The following TAF4B variants were observed in gnomAD, a reference collection of about 807,000 sequenced individuals.
TAF4B encodes the protein transcription initiation factor TFIID subunit 4B.
A neutral mutation model predicts 86.4 loss-of-function variants in TAF4B; 38 were observed. The observed-to-expected ratio is 0.44, with a 90% CI of 0.34 to 0.58. TAF4B has a LOEUF of 0.58. Among genes scored for constraint, TAF4B ranks in the 20% least tolerant of loss-of-function variants. The probability of loss-of-function intolerance (pLI) is 0.02; values close to 1 mark genes in which losing one functional copy is unlikely to be tolerated. For synonymous variants in TAF4B, 388 were observed against 391.2 expected, an observed-to-expected ratio of 0.99 and a Z score of 0.10; for missense variants, 988 against 1,027.6, an observed-to-expected ratio of 0.96 and a Z score of 0.53.
rs1284056431 is a variant in TAF4B, at chr18:26,226,783, C to T, written c.-151C>T. On this transcript the variant is annotated 5_prime_UTR_variant, in exon 1 of 15. Transcript: ENST00000269142. ...CGTGTCCTGCCGTGCAGCGGGCGCC[C>T]GTCACTGACTTCGCTGCTGCGGCCC... 9 of 556,900 alleles carry T rather than the reference C, an allele frequency of 1.6e-5. No individual in the cohort carries two copies. The highest frequency in any genetic ancestry group is 4.6e-5 in the South Asian group (1 of 21,840). 34.5% of individuals were successfully genotyped at this position (556,900 alleles called of 1,614,324 possible). A position where few individuals can be genotyped will look rare whatever the true frequency, so the allele number is the denominator to read the frequency against.
chr18:26,261,817 G>A (rs1598736274), intron 1 of TAF4B, among the ~76,000 whole-genome samples: 1 of 152,198 alleles, frequency 6.6e-6, no homozygotes, highest in Non-Finnish European at 1.5e-5. Flanking sequence ...GAAGCTACCA[G>A]CCTCGTCTTA....
intron 13 of TAF4B, among the ~76,000 whole-genome samples, chr18:26,347,211 C>T (rs1011662838): frequency 2.0e-5 from 3 of 151,766 alleles, no homozygotes; most frequent in South Asian, 2.1e-4. Context: ...TGAGCCACTG[C>T]GCCCGGCCCA....
At chr18:26,278,874 A>T (rs1244518333) in intron 5 of TAF4B, among the ~76,000 whole-genome samples, 1 of 152,104 alleles carries the variant, frequency 6.6e-6, no homozygotes, top group Non-Finnish European at 1.5e-5. Flanking sequence ...AACTGCTGTT[A>T]TGGATTTACA....
chr18:26,293,526 C>G lies in TAF4B; in HGVS notation c.1827C>G (p.Cys609Trp), dbSNP rs748591774. The change falls in exon 9 of 15, where the codon TGC becomes TGG. Residue 609 changes from cysteine (C) to tryptophan (W), a missense_variant. By Grantham distance (215) the Cys-to-Trp change is radical (BLOSUM62 -2). Transcript: ENST00000269142. ...KNRIKENVTS[C>W]FRDEDDINDV... ...GAATAAAAGAGAATGTAACATCATGCTTCCGGTAAGAAAATAAATAGTTAA... is the reference window on the plus strand; with the variant it reads ...GAATAAAAGAGAATGTAACATCATGGTTCCGGTAAGAAAATAAATAGTTAA... 2 of 1,548,898 alleles carry G rather than the reference C, an allele frequency of 1.3e-6. No homozygotes were observed. The highest frequency in any genetic ancestry group is 1.7e-6 in the Non-Finnish European group (2 of 1,154,734).
rs147537464 is a variant in TAF4B, at chr18:26,361,819, A to G, written c.2421+4025A>G. Reference sequence around the variant, plus strand: ...TTATCTTTCTGCTAGAAACAACTCTACTGAGTTGTTCTAGTACAGGACAAC... The same window carrying G: ...TTATCTTTCTGCTAGAAACAACTCTGCTGAGTTGTTCTAGTACAGGACAAC... On this transcript the variant is annotated intron_variant, in intron 14 of 14. Transcript: ENST00000269142. 2.2e-3 allele frequency among the ~76,000 whole-genome samples: 332 copies of G among 151,576 alleles called. 5 individuals are homozygous for G. The highest frequency in any genetic ancestry group is 4.4e-4 in the Non-Finnish European group (30 of 67,914).
chr18:26,265,685 G>A (rs1165202028), intron 2 of TAF4B, among the ~76,000 whole-genome samples: 1 of 151,838 alleles, frequency 6.6e-6, no homozygotes, highest in African/African-American at 2.4e-5. Context: ...CCTCAGGCTC[G>A]CATATAGCTG....
chr18:26,315,255 C>T lies in TAF4B; in HGVS notation c.1859C>T (p.Thr620Ile). The T allele has an allele frequency of 1.2e-6, 2 of 1,607,468 alleles. No homozygotes were observed. Among genetic ancestry groups the T allele is most frequent in the Non-Finnish European group, 1.7e-6 (2 of 1,177,970 alleles). ...FRDEDDINDV[T>I]SMAGVNLNEE... ...GATGAGGATGACATCAATGATGTGA[C>T]TTCTATGGCAGGGGTCAACCTTAAT... Residue 620 changes from threonine (T) to isoleucine (I), a missense_variant, in exon 10 of 15, where the codon ACT becomes ATT. Around this residue, in one of 3 missense-constraint regions of TAF4B, gnomAD observed 25 missense variants for 51.3 expected, o/e 0.49. Transcript: ENST00000269142.
intron 7 of TAF4B, 162 bp from the exon 8 acceptor site, chr18:26,292,084 A>G: frequency 1.6e-6 from 1 of 643,628 alleles, no homozygotes; most frequent in Non-Finnish European, 2.4e-6. Flanking sequence ...TTCACTTTTG[A>G]ACAAGATAAT....
intron 14 of TAF4B, among the ~76,000 whole-genome samples, chr18:26,380,135 CT>C (rs2057468446): frequency 6.6e-6 from 1 of 152,050 alleles, no homozygotes; most frequent in Non-Finnish European, 1.5e-5. Context: ...AATCTTTATG[CT>C]TTTTATTTTC....
intron 13 of TAF4B, among the ~76,000 whole-genome samples, chr18:26,344,946 A>G (rs1231155730): frequency 6.6e-6 from 1 of 152,188 alleles, no homozygotes; most frequent in Non-Finnish European, 1.5e-5. Context: ...TTCCCATTGC[A>G]GGGAAAAGGC....
intron 13 of TAF4B, chr18:26,348,420 C>T (rs1235337769): frequency 1.3e-5 from 2 of 152,848 alleles, no homozygotes; most frequent in Non-Finnish European, 2.9e-5. Context: ...TATCTCATAT[C>T]TTTGAAAGGC....
Position 26,286,076 on chromosome 18 carries a change from A to G in TAF4B, c.1167A>G (p.Arg389=). Residue 389 remains arginine, a synonymous_variant, in exon 7 of 15, where the codon AGA becomes AGG. Transcript: ENST00000269142. ...SIIVSGATAP[R]TVSVQTLNPL... is the part of the protein sequence containing the mutation. ...TTGTTTCTGGAGCAACAGCACCCAG[A>G]ACTGTGTCAGTGCAAACTTTGAACC... The G allele has an allele frequency of 6.2e-7, 1 of 1,614,212 alleles. No individual in the cohort carries two copies. Among genetic ancestry groups the G allele is most frequent in the Non-Finnish European group, 8.5e-7 (1 of 1,180,030 alleles).
In TAF4B at chr18:26,275,015, AT is replaced by A; in HGVS notation, c.845del (p.Met282ArgfsTer5). On this transcript the variant is annotated frameshift_variant, in exon 5 of 15. Transcript: ENST00000269142. LOFTEE classifies it high-confidence loss of function. The part of the protein sequence containing the change: ...LACSGSQSPE[M>X]GQNVKKLVEQ... The stretch of plus-strand genomic sequence containing the variant: ...ATGTAGTGGATCACAGTCCCCAGAA[AT>A]GGGGCAAAATGTGAAGAAGCTGGTG... The A allele has an allele frequency of 6.2e-7, 1 of 1,611,510 alleles. No homozygotes were observed.
chr18:26,348,207 A>G (rs981786366), intron 13 of TAF4B: 6 of 152,222 alleles, frequency 3.9e-5, no homozygotes, highest in African/African-American at 7.2e-5. Context: ...TATCAAAATC[A>G]TATCCTAAGT....
chr18:26,376,354 A>T (rs1317162455), intron 14 of TAF4B, among the ~76,000 whole-genome samples: 1 of 152,066 alleles, frequency 6.6e-6, no homozygotes. Context: ...AGTTTCTTTC[A>T]ACAATGTTTA....
At chr18:26,272,772 A>C (rs2056337301) in intron 3 of TAF4B, among the ~76,000 whole-genome samples, 1 of 152,156 alleles carries the variant, frequency 6.6e-6, no homozygotes, top group East Asian at 1.9e-4. Context: ...CTGTATAGAA[A>C]ACTAAAAATT....
intron 12 of TAF4B, among the ~76,000 whole-genome samples, chr18:26,331,687 C>G (rs185486787): frequency 2.6e-5 from 4 of 152,234 alleles, no homozygotes; most frequent in Admixed American, 2.6e-4. Context: ...ACATCCAAAC[C>G]ACCTCCTATC....
intron 11 of TAF4B, among the ~76,000 whole-genome samples, chr18:26,323,098 T>G (rs984693924): frequency 6.6e-6 from 1 of 152,228 alleles, no homozygotes; most frequent in South Asian, 2.1e-4. Context: ...GAGAAGATAC[T>G]TTGTATGAAT....
At chr18:26,315,095 A>ACTAACTCT in intron 9 of TAF4B, 134 bp from the exon 10 acceptor site, 1 of 218,604 alleles carries the variant, frequency 4.6e-6, no homozygotes, top group East Asian at 9.6e-5. Flanking sequence ...GCTCTCTGAA[A>ACTAACTCT]CTCTCTCTCT....
Sources: gnomAD v4.1 joint callset for allele counts (sites outside exome capture counted in the v4.1 genomes callset) on GRCh38, gnomAD v4.1.1 for gene constraint, gnomAD v4.1.1 regional missense constraint, MANE v1.5 for transcripts, NCBI Gene and HGNC (gene_info 2026-07-23, HGNC 2026-07-21) for gene names.